Variants in GRID2 observed in about 807,000 individuals in gnomAD.
GRID2 encodes glutamate receptor ionotropic, delta-2.
GRID2 carries 33 observed loss-of-function variants against 114.8 expected under a neutral mutation model. The ratio of observed to expected loss-of-function variants is 0.29; its 90% CI spans 0.22 to 0.38. The LOEUF is 0.38. Ranked by LOEUF, GRID2 falls within the 10% of genes least tolerant of loss-of-function variation. The pLI, the probability that GRID2 is intolerant of heterozygous loss-of-function variation, is 1.00. For missense variants in GRID2, 1,184 were observed against 1,257.7 expected (o/e 0.94, Z 0.89); for synonymous variants, 505 against 449.9 (o/e 1.12, Z -1.55).
At chr4:93,222,470 T>C (rs1429742859) in intron 6 of GRID2, among the ~76,000 whole-genome samples, 1 of 150,868 alleles carries the variant, frequency 6.6e-6, no homozygotes, top group East Asian at 2.0e-4. Context: ...TATATATATA[T>C]ATATTTTTAT....
At chr4:92,619,058 GT>G (rs1204551726) in intron 2 of GRID2, among the ~76,000 whole-genome samples, 1 of 151,156 alleles carries the variant, frequency 6.6e-6, no homozygotes, top group Non-Finnish European at 1.5e-5. Flanking sequence ...ATTTGTCTTT[GT>G]TTTTTTAAGC....
intron 2 of GRID2, among the ~76,000 whole-genome samples, chr4:92,918,543 G>T (rs112206429): frequency 0.021 from 3,256 of 152,104 alleles, 60 homozygotes; most frequent in East Asian, 0.053. Context: ...CCGAATTTAT[G>T]GAGAGTTTTT....
intron 2 of GRID2, among the ~76,000 whole-genome samples, chr4:92,876,918 A>C (rs1745677191): frequency 6.6e-6 from 1 of 152,198 alleles, no homozygotes; most frequent in African/African-American, 2.4e-5. Context: ...GAATTGAATT[A>C]ATCCCTGAAA....
intron 2 of GRID2, among the ~76,000 whole-genome samples, chr4:92,642,000 T>C (rs935329771): frequency 6.6e-6 from 1 of 151,418 alleles, no homozygotes; most frequent in South Asian, 2.1e-4. Context: ...AGATGTTGTA[T>C]ATGTACCACA....
chr4:92,796,526 A>G (rs1211141480), intron 2 of GRID2, among the ~76,000 whole-genome samples: 1 of 151,900 alleles, frequency 6.6e-6, no homozygotes, highest in Non-Finnish European at 1.5e-5. Context: ...ATTTGTACAT[A>G]ACAGTAGAGT....
chr4:92,812,308 T>A (rs1740699856), intron 2 of GRID2, among the ~76,000 whole-genome samples: 1 of 152,020 alleles, frequency 6.6e-6, no homozygotes, highest in Admixed American at 6.6e-5. Flanking sequence ...TATAAAAACA[T>A]TCTTAAGTGG....
intron 1 of GRID2, among the ~76,000 whole-genome samples, chr4:92,364,697 T>C (rs1221255130): frequency 3.3e-5 from 5 of 151,956 alleles, no homozygotes; most frequent in African/African-American, 1.2e-4. Flanking sequence ...TTTGTGGTAG[T>C]AACAGAGGGA....
chr4:92,671,360 G>A lies in GRID2; in HGVS notation c.244+81074G>A, dbSNP rs188596995. Among the ~76,000 whole-genome samples, 255 of 152,120 alleles carry A rather than the reference G, an allele frequency of 1.7e-3. 5 individuals carry two copies. Among genetic ancestry groups the A allele is most frequent in the Non-Finnish European group, 4.3e-4 (29 of 67,964 alleles). ...GATCACAATTCAACATGAGATTTTG[G>A]TGGGGACAGAGAGCCAAACCATATC... On this transcript the variant is annotated intron_variant, in intron 2 of 15. Coordinates refer to ENST00000282020, the MANE Select transcript of GRID2 (RefSeq NM_001510.4).
chr4:93,329,106 A>G (rs1245563439), intron 8 of GRID2, among the ~76,000 whole-genome samples: 1 of 152,190 alleles, frequency 6.6e-6, no homozygotes, highest in African/African-American at 2.4e-5. Flanking sequence ...TAGAGACTTA[A>G]GAGGAGAGCT....
intron 8 of GRID2, among the ~76,000 whole-genome samples, chr4:93,389,977 C>T (rs190801774): frequency 3.6e-4 from 54 of 151,986 alleles, no homozygotes; most frequent in Non-Finnish European, 5.2e-4. Flanking sequence ...TTAGTAGAGA[C>T]GGGGTTTCAC....
chr4:92,870,684 A>G (rs1745213155), intron 2 of GRID2, among the ~76,000 whole-genome samples: 1 of 152,200 alleles, frequency 6.6e-6, no homozygotes, highest in Non-Finnish European at 1.5e-5. Flanking sequence ...ATAGTAGAGA[A>G]ATATGAAGTT....
At chr4:93,259,454 T>G (rs185110169) in intron 8 of GRID2, among the ~76,000 whole-genome samples, 1 of 151,938 alleles carries the variant, frequency 6.6e-6, no homozygotes. Context: ...TTAAAATGAT[T>G]TCACAGGTGC....
chr4:92,918,508 T>G (rs973787625), intron 2 of GRID2, among the ~76,000 whole-genome samples: 4 of 152,174 alleles, frequency 2.6e-5, no homozygotes, highest in Non-Finnish European at 4.4e-5. Flanking sequence ...TAGCTCTTAT[T>G]ATTTTGAGAT....
rs183053878 is a variant in GRID2 at position 93,618,667 on chromosome 4, G to A, written c.2194-7602G>A. 1.5e-3 allele frequency among the ~76,000 whole-genome samples: 221 copies of A among 152,314 alleles called. 2 individuals are homozygous for A. The highest frequency in any genetic ancestry group is 5.0e-3 in the African/African-American group (206 of 41,566). Reference sequence around the variant, plus strand: ...ACAAATATCTAAGGAAGGAAGTCCGGAGGACTTGGGAGCCACAGATCTCTG... The same window carrying A: ...ACAAATATCTAAGGAAGGAAGTCCGAAGGACTTGGGAGCCACAGATCTCTG... On this transcript the variant is annotated intron_variant, in intron 13 of 15. Transcript: ENST00000282020.
At chr4:92,337,828 T>C (rs758182426) in intron 1 of GRID2, among the ~76,000 whole-genome samples, 1 of 152,146 alleles carries the variant, frequency 6.6e-6, no homozygotes, top group Non-Finnish European at 1.5e-5. Context: ...GAAGAAGTCT[T>C]TCCTGAGCCA....
intron 2 of GRID2, among the ~76,000 whole-genome samples, chr4:92,780,598 T>C (rs1739020170): frequency 6.6e-6 from 1 of 152,142 alleles, no homozygotes. Flanking sequence ...GATCCTTTTA[T>C]GCCTTTTGTA....
At chr4:93,215,576 A>G (rs1744111853) in intron 5 of GRID2, among the ~76,000 whole-genome samples, 5 of 152,184 alleles carry the variant, frequency 3.3e-5, no homozygotes. Context: ...TTTATGGAAC[A>G]TTAAGGATTG....
intron 1 of GRID2, among the ~76,000 whole-genome samples, chr4:92,580,566 G>A (rs996198952): frequency 1.2e-4 from 18 of 151,692 alleles, no homozygotes; most frequent in Admixed American, 6.6e-5. Context: ...GTAAATTTTT[G>A]TCTTAAACAT....
At chr4:92,648,171 A>G (rs541017388) in intron 2 of GRID2, among the ~76,000 whole-genome samples, 1 of 149,972 alleles carries the variant, frequency 6.7e-6, no homozygotes, top group Admixed American at 6.6e-5. Flanking sequence ...ACCAGCAATG[A>G]AAGTTGAAGC....
Sources: allele counts gnomAD v4.1 joint callset (sites outside exome capture counted in the v4.1 genomes callset), GRCh38; gene constraint gnomAD v4.1.1; transcripts MANE v1.5; gene names NCBI Gene and HGNC (gene_info 2026-07-23, HGNC 2026-07-21).